PRMT2: variants seen among roughly 807,000 people sequenced by gnomAD.
PRMT2 encodes the protein protein arginine methyltransferase 2, also known as protein arginine N-methyltransferase 2.
In PRMT2, 26 loss-of-function variants were observed where a neutral mutation model predicts 57.6. The observed-to-expected ratio is 0.45, with a 90% confidence interval of 0.33 to 0.63. The LOEUF (loss-of-function observed/expected upper bound fraction) is 0.63. Ranked by LOEUF, PRMT2 falls within the 20% of genes least tolerant of loss-of-function variation. The probability of loss-of-function intolerance (pLI) is 0.02; values close to 1 mark genes in which losing one functional copy is unlikely to be tolerated. For missense variants in PRMT2, 472 were observed against 564.4 expected (o/e 0.84, Z 1.66); for synonymous variants, 219 against 220.0 (o/e 1.00, Z 0.04).
intron 5 of PRMT2, among the ~76,000 whole-genome samples, chr21:46,644,763 A>G (rs1006873792): frequency 4.6e-5 from 7 of 152,328 alleles, no homozygotes; most frequent in African/African-American, 1.7e-4. Context: ...TTGATTTAAA[A>G]AAATCATTTA....
chr21:46,654,125 A>T (rs1027139974), intron 7 of PRMT2: 1 of 985,422 alleles, frequency 1.0e-6, no homozygotes, highest in Non-Finnish European at 1.2e-6. Context: ...CAGGCACCAA[A>T]TTTTTTTGAT....
intron 8 of PRMT2, chr21:46,660,234 G>A (rs1275397074): frequency 3.3e-6 from 3 of 906,038 alleles, no homozygotes; most frequent in Non-Finnish European, 4.0e-6. Flanking sequence ...AGTGATGGGG[G>A]TTGGCAAACG....
At chr21:46,658,516 A>C in intron 7 of PRMT2, 1 of 621,262 alleles carries the variant, frequency 1.6e-6, no homozygotes, top group Non-Finnish European at 2.6e-6. Flanking sequence ...TCATAGTTCT[A>C]ATGGGAAATT....
chr21:46,661,457 C>G (rs2061619135), intron 9 of PRMT2: 2 of 179,598 alleles, frequency 1.1e-5, no homozygotes, highest in African/African-American at 2.4e-5. Context: ...ATGGGGCGGG[C>G]GCGGTGGCGC....
chr21:46,663,307 C>T, intron 10 of PRMT2, 76 bp from the exon 11 acceptor site: 1 of 1,466,556 alleles, frequency 6.8e-7, no homozygotes, highest in African/African-American at 1.4e-5. Context: ...CAGTGCGAGC[C>T]TGAGTCAGCG....
chr21:46,651,810 C>T lies in PRMT2; in HGVS notation c.654+2071C>T, dbSNP rs73907582. Reference sequence around the variant, plus strand: ...ACCTTCACTTTCCGTCCCCAGGCTGCGCCTCTCCTGAGCTGCCGCATTCTC... The same window carrying T: ...ACCTTCACTTTCCGTCCCCAGGCTGTGCCTCTCCTGAGCTGCCGCATTCTC... On this transcript the variant is annotated intron_variant, in intron 7 of 11. Transcript: ENST00000355680. 4.9e-3 allele frequency: 7,832 copies of T among 1,612,884 alleles called. 305 individuals are homozygous for T. The African/African-American group carries it at 0.091, about 19-fold the overall frequency.
intron 3 of PRMT2, among the ~76,000 whole-genome samples, chr21:46,637,702 A>G (rs2061198302): frequency 6.6e-6 from 1 of 152,102 alleles, no homozygotes; most frequent in South Asian, 2.1e-4. Context: ...CATTTCCAGA[A>G]TGATATTGTA....
intron 7 of PRMT2, chr21:46,653,936 GTT>G (rs78403994): frequency 9.3e-4 from 876 of 942,462 alleles, no homozygotes; most frequent in South Asian, 6.2e-3. Context: ...TTCTTTTCTT[GTT>G]TTTTTTTTTT....
At position 46,661,841 on chromosome 21, in the gene PRMT2, G is replaced by A; in HGVS notation, c.1002G>A (p.Gly334=). Residue 334 remains glycine (G), a synonymous_variant, in exon 10 of 12, where the codon GGG becomes GGA. Coordinates refer to ENST00000355680, the MANE Select transcript of PRMT2 (RefSeq NM_206962.4). ...GELRFDIRKA[G]TLHGFTAWFS... The stretch of plus-strand genomic sequence containing the variant: ...TGCGCTTCGACATCAGGAAGGCGGG[G>A]ACCCTGCACGGCTTCACGGCCTGGT... The A allele has an allele frequency of 2.7e-6, 4 of 1,508,584 alleles. No individual in the cohort carries two copies. The highest frequency in any genetic ancestry group is 3.6e-6 in the Non-Finnish European group (4 of 1,123,398). The allele number at this position is 1,508,584 out of a possible 1,614,324, so 93.4% of individuals were successfully genotyped here. A position where few individuals can be genotyped will look rare whatever the true frequency, so the allele number is the denominator to read the frequency against.
intron 5 of PRMT2, among the ~76,000 whole-genome samples, chr21:46,646,147 G>C (rs987641633): frequency 6.6e-6 from 1 of 152,184 alleles, no homozygotes; most frequent in Non-Finnish European, 1.5e-5. Flanking sequence ...CAGGAGTTCT[G>C]ACATGCTGGC....
chr21:46,658,529 G>A, intron 7 of PRMT2: 1 of 713,908 alleles, frequency 1.4e-6, no homozygotes, highest in Non-Finnish European at 2.1e-6. Flanking sequence ...GGGAAATTAT[G>A]TGACTTAAAC....
chr21:46,653,720 C>T, intron 7 of PRMT2: 2 of 1,243,208 alleles, frequency 1.6e-6, no homozygotes, highest in Non-Finnish European at 2.1e-6. Flanking sequence ...CACACGCACA[C>T]ACACAAAACC....
At position 46,663,570 on chromosome 21, in the gene PRMT2, G is replaced by T; in HGVS notation, c.1269+16G>T. On this transcript the variant is annotated intron_variant, in intron 11 of 11. Coordinates refer to ENST00000355680, the MANE Select transcript of PRMT2 (RefSeq NM_206962.4). ...ATCTCAAAAAGTAAGATACGTAGTT[G>T]TAAGATTCTGTCCTGTGGGTGCCGG... 6.2e-7 allele frequency: 1 copy of T among 1,611,014 alleles called. No homozygotes were observed.
At chr21:46,635,883 G>A (rs1215431066) in intron 1 of PRMT2, 120 bp downstream of exon 1, 2 of 152,360 alleles carry the variant, frequency 1.3e-5, no homozygotes, top group Non-Finnish European at 2.9e-5. Context: ...CCCCCTTTTG[G>A]GACCTCCGAG....
Position 46,665,021 on chromosome 21 carries a change from A to G in PRMT2, c.*694A>G, listed in dbSNP as rs2061683171. ...AGGATCATACTATATGCATTGCTTT[A>G]TAAGTTTTTCTCAATATTGTGAAAA... On this transcript the variant is annotated 3_prime_UTR_variant, in exon 12 of 12. Transcript: ENST00000355680. 1 of 152,360 alleles carries G rather than the reference A, an allele frequency of 6.6e-6. No homozygotes were observed. Among genetic ancestry groups the G allele is most frequent in the Admixed American group, 6.5e-5 (1 of 15,306 alleles). The allele number at this position is 152,360 out of a possible 1,614,324, so 9.4% of individuals were successfully genotyped here. A position where few individuals can be genotyped will look rare whatever the true frequency, so the allele number is the denominator to read the frequency against.
At chr21:46,658,633 T>G (rs573973376) in intron 7 of PRMT2, 112 bp from the exon 8 acceptor site, 2 of 1,519,328 alleles carry the variant, frequency 1.3e-6, no homozygotes, top group Middle Eastern at 1.8e-4. Context: ...GGAATATTCT[T>G]GAGGCTAAAA....
intron 5 of PRMT2, among the ~76,000 whole-genome samples, chr21:46,645,455 G>T (rs2061350014): frequency 6.6e-6 from 1 of 152,090 alleles, no homozygotes; most frequent in Admixed American, 6.5e-5. Flanking sequence ...GATTGAACCA[G>T]ACTCTGTCCC....
chr21:46,640,643 A>G (rs528179483), intron 3 of PRMT2, among the ~76,000 whole-genome samples: 6 of 150,428 alleles, frequency 4.0e-5, no homozygotes, highest in South Asian at 2.1e-4. Flanking sequence ...GGGTTTCACC[A>G]TCTTGGCCAG....
At position 46,664,788 on chromosome 21, in the gene PRMT2, T is replaced by C. The variant is rs1163460907; in HGVS notation, c.*461T>C. Reference sequence around the variant, plus strand: ...GTAGGATTGCACAGGGCTGTGCCAGTGGCGTGTAGGGAACACTGCCCTGGC... The same window carrying C: ...GTAGGATTGCACAGGGCTGTGCCAGCGGCGTGTAGGGAACACTGCCCTGGC... On this transcript the variant is annotated 3_prime_UTR_variant, in exon 12 of 12. Coordinates refer to ENST00000355680, the MANE Select transcript of PRMT2 (RefSeq NM_206962.4). 5.0e-6 allele frequency: 1 copy of C among 198,962 alleles called. No individual in the cohort carries two copies. Among genetic ancestry groups the C allele is most frequent in the African/African-American group, 2.2e-5 (1 of 44,554 alleles). 12.3% of individuals were successfully genotyped at this position (198,962 alleles called of 1,614,324 possible). A position where few individuals can be genotyped will look rare whatever the true frequency, so the allele number is the denominator to read the frequency against.
Sources: gnomAD v4.1 joint callset for allele counts (sites outside exome capture counted in the v4.1 genomes callset) on GRCh38, gnomAD v4.1.1 for gene constraint, MANE v1.5 for transcripts, NCBI Gene and HGNC (gene_info 2026-07-23, HGNC 2026-07-21) for gene names.